Variants in RBFOX1 observed in about 807,000 individuals in gnomAD.
The protein encoded by RBFOX1 is RNA binding protein fox-1 homolog 1.
RBFOX1 carries 8 observed loss-of-function variants against 57.7 expected under a neutral mutation model. That is an observed-to-expected ratio of 0.14 (90% CI 0.08 to 0.25). The LOEUF is 0.25. RBFOX1 is among the 10% of genes least tolerant of loss of function. RBFOX1 has a pLI of 1.00. For missense variants in RBFOX1, 611 were observed against 548.5 expected, an observed-to-expected ratio of 1.11 and a Z score of -1.14; for synonymous variants, 326 against 222.4, an observed-to-expected ratio of 1.47 and a Z score of -4.15.
At chr16:5,834,689 A>AGAT (rs2056396224) in intron 3 of RBFOX1, among the ~76,000 whole-genome samples, 1 of 111,514 alleles carries the variant, frequency 9.0e-6, no homozygotes. Flanking sequence ...TGGGATAGGT[A>AGAT]GATAGATAGA....
chr16:7,161,214 T>C (rs1601486806), intron 4 of RBFOX1, among the ~76,000 whole-genome samples: 1 of 152,170 alleles, frequency 6.6e-6, no homozygotes, highest in African/African-American at 2.4e-5. Context: ...GATGATGAGG[T>C]CATAGGCAGG....
intron 3 of RBFOX1, among the ~76,000 whole-genome samples, chr16:6,729,643 C>G (rs549474804): frequency 9.9e-4 from 150 of 152,246 alleles, no homozygotes; most frequent in South Asian, 2.1e-3. Context: ...GTACCTCATT[C>G]TCTTCTAACT....
chr16:6,487,529 G>A lies in RBFOX1; in HGVS notation c.-63-167074G>A, dbSNP rs902260709. 1.1e-3 allele frequency among the ~76,000 whole-genome samples: 166 copies of A among 151,596 alleles called. 2 individuals are homozygous for A. Among genetic ancestry groups the A allele is most frequent in the Non-Finnish European group, 1.9e-4 (13 of 67,906 alleles). ...TGGTTGGGTTTAAAAGAAAAGAGCT[G>A]TGGTTAGTTTCTAAGCATTTACCGA... On this transcript the variant is annotated intron_variant, in intron 2 of 15. Coordinates refer to ENST00000550418, the MANE Select transcript of RBFOX1 (RefSeq NM_018723.4).
At chr16:5,989,612 A>T (rs552968143) in intron 4 of RBFOX1, among the ~76,000 whole-genome samples, 29 of 152,048 alleles carry the variant, frequency 1.9e-4, no homozygotes, top group Non-Finnish European at 3.7e-4. Context: ...TGGGGGCAGA[A>T]GACCTCTGCC....
chr16:5,494,206 T>G (rs1163392399), intron 2 of RBFOX1, among the ~76,000 whole-genome samples: 1 of 152,200 alleles, frequency 6.6e-6, no homozygotes, highest in African/African-American at 2.4e-5. Context: ...GACAGTTCTA[T>G]GATGTCTCCT....
At chr16:7,484,787 C>G (rs1463114178) in intron 4 of RBFOX1, among the ~76,000 whole-genome samples, 1 of 152,138 alleles carries the variant, frequency 6.6e-6, no homozygotes, top group African/African-American at 2.4e-5. Context: ...TTTCGCACAG[C>G]TCCCAGATGT....
chr16:7,274,959 G>T (rs7189741), intron 4 of RBFOX1, among the ~76,000 whole-genome samples: 2 of 152,048 alleles, frequency 1.3e-5, no homozygotes, highest in Non-Finnish European at 2.9e-5. Context: ...GCTGGAATTA[G>T]AGGTGTGAGT....
intron 4 of RBFOX1, among the ~76,000 whole-genome samples, chr16:5,993,276 A>G (rs2060432901): frequency 6.6e-6 from 1 of 151,822 alleles, no homozygotes; most frequent in African/African-American, 2.4e-5. Flanking sequence ...TTCTTTTTGT[A>G]GCATGTATGT....
At chr16:7,107,740 T>C (rs536287013) in intron 4 of RBFOX1, among the ~76,000 whole-genome samples, 2 of 152,170 alleles carry the variant, frequency 1.3e-5, no homozygotes, top group Admixed American at 1.3e-4. Flanking sequence ...GAGGTGGAGT[T>C]ACTTTTTATA....
At chr16:5,577,435 G>C (rs530479263) in intron 2 of RBFOX1, among the ~76,000 whole-genome samples, 2 of 152,150 alleles carry the variant, frequency 1.3e-5, no homozygotes, top group African/African-American at 4.8e-5. Flanking sequence ...TGGCATTTTA[G>C]TGGGAAAAAT....
intron 3 of RBFOX1, among the ~76,000 whole-genome samples, chr16:5,789,765 C>G (rs987578703): frequency 6.6e-6 from 1 of 152,176 alleles, no homozygotes; most frequent in Non-Finnish European, 1.5e-5. Flanking sequence ...AGTGTCTAAG[C>G]CAGTGCTCAA....
intron 3 of RBFOX1, among the ~76,000 whole-genome samples, chr16:5,788,410 C>G (rs2151724419): frequency 6.6e-6 from 1 of 152,268 alleles, no homozygotes; most frequent in Non-Finnish European, 1.5e-5. Flanking sequence ...GGGGGGATCA[C>G]CTGATCTCAG....
chr16:5,373,606 CT>C (rs566849528), intron 1 of RBFOX1, among the ~76,000 whole-genome samples: 60 of 146,432 alleles, frequency 4.1e-4, no homozygotes, highest in South Asian at 6.5e-4. Context: ...AACGTCTTTT[CT>C]TTTTTTTTTT....
intron 2 of RBFOX1, among the ~76,000 whole-genome samples, chr16:6,481,388 G>T (rs1196614204): frequency 6.6e-6 from 1 of 152,204 alleles, no homozygotes; most frequent in South Asian, 2.1e-4. Context: ...TGCCAAGGTT[G>T]TCACGCTCTG....
intron 1 of RBFOX1, among the ~76,000 whole-genome samples, chr16:6,230,757 C>T (rs1282003527): frequency 2.0e-5 from 3 of 152,186 alleles, no homozygotes; most frequent in African/African-American, 4.8e-5. Context: ...TGGGCTGTGA[C>T]CTTCTGGGAG....
At chr16:6,380,615 G>C (rs1005827410) in intron 2 of RBFOX1, among the ~76,000 whole-genome samples, 5 of 151,682 alleles carry the variant, frequency 3.3e-5, no homozygotes, top group African/African-American at 1.2e-4. Context: ...AGCATACTTA[G>C]GATATGTCTT....
intron 4 of RBFOX1, among the ~76,000 whole-genome samples, chr16:5,913,340 G>A (rs575351905): frequency 5.3e-5 from 8 of 152,258 alleles, no homozygotes; most frequent in South Asian, 4.1e-4. Context: ...AATCTCATTC[G>A]GAAATGTGAT....
At chr16:5,828,087 A>T (rs928173304) in intron 3 of RBFOX1, among the ~76,000 whole-genome samples, 1 of 151,882 alleles carries the variant, frequency 6.6e-6, no homozygotes, top group Non-Finnish European at 1.5e-5. Context: ...CCAGCCAGCC[A>T]GCCTGCCTTC....
chr16:6,222,899 G>T (rs1212233765), intron 1 of RBFOX1, among the ~76,000 whole-genome samples: 1 of 151,704 alleles, frequency 6.6e-6, no homozygotes, highest in African/African-American at 2.4e-5. Flanking sequence ...CCCCTTCTGT[G>T]TCCATGTGTT....
Sources: allele counts gnomAD v4.1 joint callset (sites outside exome capture counted in the v4.1 genomes callset), GRCh38; gene constraint gnomAD v4.1.1; transcripts MANE v1.5; gene names NCBI Gene and HGNC (gene_info 2026-07-23, HGNC 2026-07-21).